Variants in FBXL17 observed in about 807,000 individuals in gnomAD.
The protein encoded by FBXL17 is F-box/LRR-repeat protein 17.
A neutral mutation model predicts 66.2 loss-of-function variants in FBXL17; 22 were observed. That is an observed-to-expected ratio of 0.33 (90% CI 0.24 to 0.47). The LOEUF is 0.47. Ranked by LOEUF, FBXL17 falls within the 20% of genes least tolerant of loss-of-function variation. The probability of loss-of-function intolerance (pLI) is 1.00; values close to 1 mark genes in which losing one functional copy is unlikely to be tolerated. For synonymous variants in FBXL17, 474 were observed against 400.5 expected (o/e 1.18, Z -2.19); for missense variants, 878 against 948.2 (o/e 0.93, Z 0.97).
chr5:108,181,061 G>A (rs547856070), intron 6 of FBXL17, among the ~76,000 whole-genome samples: 2 of 152,142 alleles, frequency 1.3e-5, no homozygotes, highest in Non-Finnish European at 2.9e-5. Context: ...AACAAAAAAA[G>A]AATAAAAGAA....
At chr5:107,974,234 A>G (rs1435456453) in intron 7 of FBXL17, among the ~76,000 whole-genome samples, 7 of 152,314 alleles carry the variant, frequency 4.6e-5, no homozygotes, top group Non-Finnish European at 1.0e-4. Context: ...TAGAGACCTC[A>G]TCAATCTAGG....
chr5:108,272,193 A>C (rs1467633606), intron 4 of FBXL17, among the ~76,000 whole-genome samples: 2 of 152,076 alleles, frequency 1.3e-5, no homozygotes, highest in African/African-American at 4.8e-5. Context: ...CAGGAGGCTG[A>C]GGCAGGAGAA....
chr5:107,944,892 G>A (rs1433694351), intron 7 of FBXL17, among the ~76,000 whole-genome samples: 1 of 151,932 alleles, frequency 6.6e-6, no homozygotes, highest in Non-Finnish European at 1.5e-5. Context: ...ATGCAAAATA[G>A]AAGAAACTGA....
intron 6 of FBXL17, among the ~76,000 whole-genome samples, chr5:108,145,874 A>C (rs913007002): frequency 1.3e-5 from 2 of 151,542 alleles, no homozygotes; most frequent in Non-Finnish European, 1.5e-5. Flanking sequence ...AGAGATAATC[A>C]GTACCGACAC....
intron 7 of FBXL17, among the ~76,000 whole-genome samples, chr5:107,900,008 T>C (rs1749518897): frequency 6.6e-6 from 1 of 152,212 alleles, no homozygotes; most frequent in South Asian, 2.1e-4. Context: ...ATAGTTTCTA[T>C]AATTTGAATC....
intron 7 of FBXL17, among the ~76,000 whole-genome samples, chr5:107,935,712 C>T (rs756391765): frequency 1.3e-5 from 2 of 152,026 alleles, no homozygotes; most frequent in Admixed American, 1.3e-4. Context: ...TTTCCAATTA[C>T]TAAGCCAAAC....
intron 4 of FBXL17, among the ~76,000 whole-genome samples, chr5:108,269,476 A>G (rs970757653): frequency 1.3e-5 from 2 of 152,118 alleles, no homozygotes; most frequent in Admixed American, 1.3e-4. Flanking sequence ...AACTAATGCC[A>G]TCAAATTTGG....
chr5:108,284,000 C>T (rs1209576162), intron 4 of FBXL17, among the ~76,000 whole-genome samples: 1 of 151,838 alleles, frequency 6.6e-6, no homozygotes, highest in African/African-American at 2.4e-5. Context: ...TCATCTTACT[C>T]CAGGCAAAAT....
intron 6 of FBXL17, among the ~76,000 whole-genome samples, chr5:108,030,255 A>G (rs1303730722): frequency 6.6e-6 from 1 of 152,128 alleles, no homozygotes; most frequent in Non-Finnish European, 1.5e-5. Flanking sequence ...TCTGAAGAGA[A>G]ACACATCTCT....
chr5:107,993,004 T>A (rs1753319419), intron 7 of FBXL17, among the ~76,000 whole-genome samples: 1 of 152,076 alleles, frequency 6.6e-6, no homozygotes, highest in African/African-American at 2.4e-5. Flanking sequence ...CACGCCATTC[T>A]CCTGCCTTAG....
At chr5:108,072,665 G>A (rs954365734) in intron 6 of FBXL17, among the ~76,000 whole-genome samples, 3 of 152,076 alleles carry the variant, frequency 2.0e-5, no homozygotes, top group Non-Finnish European at 4.4e-5. Context: ...CCGAGATTGC[G>A]CCACTGCACT....
Position 108,381,611 on chromosome 5 carries a change from C to T in FBXL17, c.81G>A (p.Arg27=). Residue 27 remains arginine, a synonymous_variant, in exon 1 of 9, where the codon CGG becomes CGA. Coordinates refer to ENST00000542267, the MANE Select transcript of FBXL17 (RefSeq NM_001163315.3). ...RPRCCSWCRR[R]RPLLRLPRRT... ...GGCGGGGCAGCCTGAGGAGAGGGCG[C>T]CGGCGGCGGCACCAACTGCAACAGC... 3.4e-6 allele frequency: 5 copies of T among 1,481,206 alleles called. No individual in the cohort carries two copies. Among genetic ancestry groups the T allele is most frequent in the Non-Finnish European group, 4.5e-6 (5 of 1,121,598 alleles). The allele number at this position is 1,481,206 out of a possible 1,614,324, so 91.8% of individuals were successfully genotyped here.
At chr5:107,949,685 C>G (rs558064160) in intron 7 of FBXL17, among the ~76,000 whole-genome samples, 5 of 152,298 alleles carry the variant, frequency 3.3e-5, no homozygotes, top group Admixed American at 3.3e-4. Flanking sequence ...GATAGAAGCA[C>G]AGACTAGATA....
intron 1 of FBXL17, among the ~76,000 whole-genome samples, chr5:108,376,003 A>T (rs1277141806): frequency 6.6e-6 from 1 of 152,240 alleles, no homozygotes; most frequent in Non-Finnish European, 1.5e-5. Flanking sequence ...TTAATAGAAT[A>T]AAGGTAAAAA....
At chr5:108,068,583 G>A (rs1384890071) in intron 6 of FBXL17, among the ~76,000 whole-genome samples, 1 of 152,040 alleles carries the variant, frequency 6.6e-6, no homozygotes, top group Non-Finnish European at 1.5e-5. Flanking sequence ...AGCCCCCTGA[G>A]TAGCTGGGGC....
intron 7 of FBXL17, among the ~76,000 whole-genome samples, chr5:107,958,313 C>A (rs1466458375): frequency 6.6e-6 from 1 of 151,834 alleles, no homozygotes; most frequent in African/African-American, 2.4e-5. Context: ...CATCAATGTT[C>A]CCCCATTTTA....
At chr5:108,134,839 C>T (rs1342435867) in intron 6 of FBXL17, among the ~76,000 whole-genome samples, 3 of 152,082 alleles carry the variant, frequency 2.0e-5, no homozygotes, top group Non-Finnish European at 4.4e-5. Flanking sequence ...ATGCTTTGTC[C>T]CCCACTTACA....
chr5:108,269,745 C>T lies in FBXL17; in HGVS notation c.1507-45517G>A, dbSNP rs78810631. On this transcript the variant is annotated intron_variant, in intron 4 of 8. Transcript: ENST00000542267. ...AAGAAGAGAACCATGTATTATTTGT[C>T]TTGGAATCCATAGTACCTAAGACAG... 6.2e-4 allele frequency among the ~76,000 whole-genome samples: 94 copies of T among 152,122 alleles called. 1 individual carries two copies. In the East Asian group the frequency reaches 0.01, roughly 17 times the overall value.
chr5:108,075,668 G>A (rs961187434), intron 6 of FBXL17, among the ~76,000 whole-genome samples: 4 of 152,094 alleles, frequency 2.6e-5, no homozygotes, highest in African/African-American at 9.7e-5. Flanking sequence ...GTAGAGATGG[G>A]GTTTCACCAT....
Sources: allele counts gnomAD v4.1 joint callset (sites outside exome capture counted in the v4.1 genomes callset), GRCh38; gene constraint gnomAD v4.1.1; transcripts MANE v1.5; gene names NCBI Gene and HGNC (gene_info 2026-07-23, HGNC 2026-07-21).